The following ARIH2 variants were observed in gnomAD, a reference collection of about 807,000 sequenced individuals.
ARIH2 encodes the protein ariadne RBR E3 ubiquitin protein ligase 2.
ARIH2 carries 12 observed loss-of-function variants against 79.8 expected under a neutral mutation model. The ratio of observed to expected loss-of-function variants is 0.15; its 90% CI spans 0.10 to 0.24. The LOEUF is 0.24. Ranked by LOEUF, ARIH2 falls within the 10% of genes least tolerant of loss-of-function variation. The probability of loss-of-function intolerance (pLI) is 1.00; values close to 1 mark genes in which losing one functional copy is unlikely to be tolerated. For synonymous variants in ARIH2, 224 were observed against 213.9 expected (o/e 1.05, Z -0.41); for missense variants, 301 against 618.3 (o/e 0.49, Z 5.44).
chr3:48,943,125 T>C (rs1199737987), intron 3 of ARIH2: 1 of 152,216 alleles, frequency 6.6e-6, no homozygotes, highest in Admixed American at 6.5e-5. Context: ...GCCTTTAATA[T>C]CTGCCCCCTC....
chr3:48,979,159 T>C (rs761304672), intron 11 of ARIH2, among the ~76,000 whole-genome samples: 5 of 152,162 alleles, frequency 3.3e-5, no homozygotes, highest in African/African-American at 4.8e-5. Flanking sequence ...AGTTCCTCCT[T>C]CTTATAGTGG....
At chr3:48,946,599 T>C (rs574773991) in intron 3 of ARIH2, among the ~76,000 whole-genome samples, 7 of 152,202 alleles carry the variant, frequency 4.6e-5, no homozygotes, top group East Asian at 2.0e-4. Context: ...TCTGAGAGTA[T>C]TGACATTGTA....
Position 48,927,630 on chromosome 3 carries a change from GGAA to G in ARIH2, c.87_89del (p.Glu29del), listed in dbSNP as rs367899872. Reference sequence around the variant, plus strand: ...ACTATGACCCAAATTGTGAGGAAGAGGAAGAAGAAGAAGAAGACGACCCTGGGG... The same window carrying G: ...ACTATGACCCAAATTGTGAGGAAGAGGAAGAAGAAGAAGACGACCCTGGGG... On this transcript the variant is annotated inframe_deletion, in exon 3 of 16. Coordinates refer to ENST00000356401, the MANE Select transcript of ARIH2 (RefSeq NM_006321.4). 78 of 1,610,330 alleles carry G rather than the reference GGAA, an allele frequency of 4.8e-5. No homozygotes were observed. The highest frequency in any genetic ancestry group is 3.3e-4 in the Middle Eastern group (2 of 6,074).
intron 3 of ARIH2, among the ~76,000 whole-genome samples, chr3:48,939,791 C>CAA (rs1172938316): frequency 1.6e-5 from 2 of 127,412 alleles, no homozygotes; most frequent in Non-Finnish European, 3.4e-5. Flanking sequence ...AACAAAAAAA[C>CAA]AAAAAAAAAA....
At chr3:48,934,615 C>T (rs966654595) in intron 3 of ARIH2, 5 of 985,198 alleles carry the variant, frequency 5.1e-6, no homozygotes, top group Admixed American at 6.2e-5. Flanking sequence ...AATAGCTGGC[C>T]GTTAATAGGT....
chr3:48,951,321 T>TC (rs2089928526), intron 3 of ARIH2, among the ~76,000 whole-genome samples: 1 of 152,196 alleles, frequency 6.6e-6, no homozygotes, highest in African/African-American at 2.4e-5. Context: ...GTGTTTTTTT[T>TC]CCCCCTGTGG....
chr3:48,980,189 G>A, intron 12 of ARIH2, 164 bp from the exon 13 acceptor site: 2 of 686,136 alleles, frequency 2.9e-6, no homozygotes, highest in South Asian at 3.6e-5. Flanking sequence ...CTCTGGACAG[G>A]TTAGAAGGAT....
At chr3:48,954,992 G>A (rs939875772) in intron 3 of ARIH2, among the ~76,000 whole-genome samples, 2 of 152,138 alleles carry the variant, frequency 1.3e-5, no homozygotes, top group African/African-American at 4.8e-5. Flanking sequence ...GAGGTCAGGA[G>A]TTCGAGACCA....
At chr3:48,979,708 A>C in intron 12 of ARIH2, 75 bp downstream of exon 12, 1 of 1,535,120 alleles carries the variant, frequency 6.5e-7, no homozygotes, top group Admixed American at 1.8e-5. Context: ...ATTCCCAGGG[A>C]CTGGTAGACA....
rs750672888 is a variant in ARIH2 at position 48,983,303 on chromosome 3, T to TGTGGCTGCAAGGTCTC, written c.*34_*49dup. 2 of 1,611,452 alleles carry TGTGGCTGCAAGGTCTC rather than the reference T, an allele frequency of 1.2e-6. No individual in the cohort carries two copies. The highest frequency in any genetic ancestry group is 1.7e-6 in the Non-Finnish European group (2 of 1,177,964). ...TGTGGATGTGCCGGGGTGAGGAAGA[T>TGTGGCTGCAAGGTCTC]GTGGCTGCAAGGTCTCCCGGCTGCC... On this transcript the variant is annotated 3_prime_UTR_variant, in exon 16 of 16. Coordinates refer to ENST00000356401, the MANE Select transcript of ARIH2 (RefSeq NM_006321.4).
Position 48,981,644 on chromosome 3 carries a change from T to G in ARIH2, c.1258-16T>G, listed in dbSNP as rs560871622. On this transcript the variant is annotated splice_polypyrimidine_tract_variant and intron_variant, in intron 13 of 15. Coordinates refer to ENST00000356401, the MANE Select transcript of ARIH2 (RefSeq NM_006321.4). ...GAATCACAGACACAGGTTCCTTCTC[T>G]TCTCTCCTGTTGCAGTGTCGATACA... is the stretch of plus-strand genomic sequence containing the variant. 6.2e-7 allele frequency: 1 copy of G among 1,609,018 alleles called. No individual in the cohort carries two copies. The highest frequency in any genetic ancestry group is 2.2e-5 in the East Asian group (1 of 44,768).
intron 8 of ARIH2, among the ~76,000 whole-genome samples, chr3:48,972,896 G>T (rs1180098910): frequency 6.6e-6 from 1 of 152,010 alleles, no homozygotes; most frequent in African/African-American, 2.4e-5. Context: ...TTCATTTTTT[G>T]TAGAGATGGG....
At chr3:48,961,791 T>G (rs1177190770) in intron 4 of ARIH2, 112 bp downstream of exon 4, 1 of 664,032 alleles carries the variant, frequency 1.5e-6, no homozygotes, top group East Asian at 2.7e-5. Flanking sequence ...CATAGTATAT[T>G]TTTAAAACAT....
chr3:48,959,659 A>C lies in ARIH2; in HGVS notation c.256-1953A>C, dbSNP rs200525404. On this transcript the variant is annotated intron_variant, in intron 3 of 15. Transcript: ENST00000356401. ...TCTACTAAAAAATACCAAAAAAAAA[A>C]AAAAAAAAAAAAAAAAGAAAAGAAA... 1.9e-3 allele frequency among the ~76,000 whole-genome samples: 245 copies of C among 128,732 alleles called. 2 individuals carry two copies. Among genetic ancestry groups the C allele is most frequent in the Admixed American group, 0.011 (143 of 13,056 alleles). The allele number at this position is 128,732 out of a possible 152,430, so 84.5% of individuals were successfully genotyped here. A position where few individuals can be genotyped will look rare whatever the true frequency, so the allele number is the denominator to read the frequency against.
In ARIH2 at chr3:48,927,729, G is replaced by A. The variant is rs112345459; in HGVS notation, c.171G>A (p.Glu57=). The A allele has an allele frequency of 2.4e-4, 392 of 1,614,086 alleles. 4 individuals are homozygous for A. The Middle Eastern group carries it at 7.2e-3, about 30-fold the overall frequency. The stretch of plus-strand genomic sequence containing the variant: ...AGGGGGCTGATGCCTTTGATCCCGA[G>A]GAGTACCAGTTCACTTGCTTGACCT... The part of the protein sequence containing the change: ...EQQGADAFDP[E]EYQFTCLTYK... The change falls in exon 3 of 16, where the codon GAG becomes GAA. Residue 57 remains glutamate, a synonymous_variant. Coordinates refer to ENST00000356401, the MANE Select transcript of ARIH2 (RefSeq NM_006321.4).
At chr3:48,925,620 T>A (rs2085471831) in intron 2 of ARIH2, among the ~76,000 whole-genome samples, 1 of 152,102 alleles carries the variant, frequency 6.6e-6, no homozygotes, top group Non-Finnish European at 1.5e-5. Flanking sequence ...TCAAGTAGAC[T>A]TTATATTTGC....
chr3:48,934,530 A>G (rs995240774), intron 3 of ARIH2: 4 of 985,102 alleles, frequency 4.1e-6, no homozygotes, highest in African/African-American at 3.5e-5. Flanking sequence ...TCTGATTTCT[A>G]TTTTTGTGAT....
In ARIH2 at chr3:48,928,921, TC is replaced by T. The variant is rs1429093121; in HGVS notation, c.255+1110del. On this transcript the variant is annotated intron_variant, in intron 3 of 15. Coordinates refer to ENST00000356401, the MANE Select transcript of ARIH2 (RefSeq NM_006321.4). The stretch of plus-strand genomic sequence containing the variant: ...ACTCTGAAGAATGAGGACCTATGGA[TC>T]CTCTGGGTTTGGGATTTCTGCACTA... Among the ~76,000 whole-genome samples the T allele has an allele frequency of 4.6e-5, 7 of 152,222 alleles. No homozygotes were observed. In the East Asian group the frequency reaches 1.4e-3, roughly 29 times the overall value.
In ARIH2 at chr3:48,967,233, G is replaced by A; in HGVS notation, c.496G>A (p.Glu166Lys). Residue 166 changes from glutamate to lysine, a missense_variant, in exon 6 of 16, where the codon GAG becomes AAG. Glu to Lys is a moderately conservative substitution (Grantham distance 56). Coordinates refer to ENST00000356401, the MANE Select transcript of ARIH2 (RefSeq NM_006321.4). ...GCACCAGTTTTGCCGCAGCTGCTGG[G>A]AGCAGCACTGCTCAGTTCTCGTCAA... ...CQHQFCRSCW[E>K]QHCSVLVKDG... 1 of 1,614,218 alleles carries A rather than the reference G, an allele frequency of 6.2e-7. No individual in the cohort carries two copies.
Sources: gnomAD v4.1 joint callset for allele counts (sites outside exome capture counted in the v4.1 genomes callset) on GRCh38, gnomAD v4.1.1 for gene constraint, MANE v1.5 for transcripts, NCBI Gene and HGNC (gene_info 2026-07-23, HGNC 2026-07-21) for gene names.